Variants in CAST observed in about 807,000 individuals in gnomAD.
The protein encoded by CAST is MIR583 host.
A neutral mutation model predicts 119.6 loss-of-function variants in CAST; 76 were observed. That is an observed-to-expected ratio of 0.64 (90% CI 0.53 to 0.77). The LOEUF is 0.77. CAST is among the 30% of genes least tolerant of loss of function. The pLI, the probability that CAST is intolerant of heterozygous loss-of-function variation, is 0.00. For missense variants in CAST, 953 were observed against 946.5 expected (o/e 1.01, Z -0.09); for synonymous variants, 319 against 331.6 (o/e 0.96, Z 0.41).
the CAST span, chr5:96,050,182 T>C: frequency 4.6e-5 from 7 of 152,310 alleles, no homozygotes; most frequent in African/African-American, 1.2e-4. Context: ...GATTGCAGTC[T>C]GTGGAGGAGT....
At chr5:96,404,755 G>T in the CAST span, among the ~76,000 whole-genome samples, 2 of 152,154 alleles carry the variant, frequency 1.3e-5, no homozygotes, top group Non-Finnish European at 2.9e-5. Flanking sequence ...ACTTGAGTTT[G>T]AATTTCTTTG....
the CAST span, among the ~76,000 whole-genome samples, chr5:96,019,538 C>T: frequency 6.6e-6 from 1 of 152,080 alleles, no homozygotes; most frequent in Non-Finnish European, 1.5e-5. Context: ...TGGAGTTTGA[C>T]TATTGAGTGA....
chr5:96,707,888 G>A (rs1581056133), intron 3 of CAST, among the ~76,000 whole-genome samples: 1 of 152,060 alleles, frequency 6.6e-6, no homozygotes, highest in African/African-American at 2.4e-5. Context: ...TATGAGTGCT[G>A]TTCCCACCAA....
chr5:96,660,474 T>C (rs754776361), upstream of CAST, among the ~76,000 whole-genome samples: 2 of 152,244 alleles, frequency 1.3e-5, no homozygotes, highest in African/African-American at 2.4e-5. Context: ...ATGTTTTACA[T>C]AGAATACTCT....
intron 1 of CAST, among the ~76,000 whole-genome samples, chr5:96,645,605 A>T (rs1433104385): frequency 6.6e-6 from 1 of 152,120 alleles, no homozygotes; most frequent in Non-Finnish European, 1.5e-5. Flanking sequence ...GTTTGGAAAA[A>T]TAAATATTTT....
chr5:96,535,763 C>G (rs975199986), intron 1 of CAST, among the ~76,000 whole-genome samples: 1 of 150,808 alleles, frequency 6.6e-6, no homozygotes, highest in African/African-American at 2.4e-5. Context: ...TTGGTAGAGA[C>G]GGGGTTTCAC....
chr5:96,167,725 G>C, the CAST span, among the ~76,000 whole-genome samples: 1 of 152,192 alleles, frequency 6.6e-6, no homozygotes, highest in Admixed American at 6.5e-5. Context: ...AAGAAATGAC[G>C]GCGGTGGCCT....
At chr5:96,169,097 G>A in the CAST span, among the ~76,000 whole-genome samples, 1 of 152,116 alleles carries the variant, frequency 6.6e-6, no homozygotes, top group Admixed American at 6.5e-5. Flanking sequence ...GGAAGGAAAG[G>A]AGTTGTTGTT....
Position 96,622,381 on chromosome 5 carries a change from A to G in CAST, c.61-53158A>G, listed in dbSNP as rs79677949. On this transcript the variant is annotated intron_variant, in intron 1 of 11. Transcript: ENST00000505143. ...CCACTAGCTGCCAATGATTTTGAAA[A>G]ACATATTCTCCTCTGGGTGAATTTC... 5.9e-5 allele frequency among the ~76,000 whole-genome samples: 9 copies of G among 152,152 alleles called. No individual in the cohort carries two copies. The East Asian group carries it at 1.5e-3, about 26-fold the overall frequency.
chr5:96,698,613 T>C (rs757531736), intron 3 of CAST, among the ~76,000 whole-genome samples: 3 of 152,234 alleles, frequency 2.0e-5, no homozygotes, highest in Non-Finnish European at 2.9e-5. Context: ...TTGTAACTCA[T>C]AGCATTATCC....
At chr5:96,397,329 C>T in the CAST span, 7 of 1,612,348 alleles carry the variant, frequency 4.3e-6, no homozygotes, top group Middle Eastern at 1.6e-4. Context: ...CTCTCATTCA[C>T]ACTTACCATG....
chr5:96,754,995 G>T, intron 22 of CAST: 1 of 262,596 alleles, frequency 3.8e-6, no homozygotes. Context: ...CTAACCCACA[G>T]CTTGTTACAA....
chr5:96,149,927 T>C, the CAST span, among the ~76,000 whole-genome samples: 2 of 152,270 alleles, frequency 1.3e-5, no homozygotes, highest in Non-Finnish European at 2.9e-5. Context: ...GATATTTTAT[T>C]GATAAACATA....
the CAST span, among the ~76,000 whole-genome samples, chr5:96,232,088 T>C: frequency 2.0e-5 from 3 of 152,104 alleles, no homozygotes; most frequent in Non-Finnish European, 2.9e-5. Context: ...AAACTTTTCA[T>C]ACATAATATA....
chr5:96,511,506 T>C, the CAST span, among the ~76,000 whole-genome samples: 3 of 152,198 alleles, frequency 2.0e-5, no homozygotes, highest in Non-Finnish European at 4.4e-5. Context: ...TTGTGTTATA[T>C]TTCACCAGCA....
the CAST span, among the ~76,000 whole-genome samples, chr5:96,288,473 A>C: frequency 6.6e-6 from 1 of 152,178 alleles, no homozygotes; most frequent in East Asian, 1.9e-4. Context: ...CCATTTCAGA[A>C]GATTTCTGAG....
the CAST span, among the ~76,000 whole-genome samples, chr5:96,436,274 C>T: frequency 7.2e-5 from 11 of 152,244 alleles, no homozygotes; most frequent in African/African-American, 2.6e-4. Context: ...GTGTGGCACA[C>T]TGGGGTAAAC....
At chr5:96,444,956 A>G in the CAST span, among the ~76,000 whole-genome samples, 1 of 152,186 alleles carries the variant, frequency 6.6e-6, no homozygotes, top group Non-Finnish European at 1.5e-5. Context: ...TTGCTGCAGG[A>G]TGGCCTGGCC....
chr5:96,263,010 G>A, the CAST span, among the ~76,000 whole-genome samples: 2 of 152,162 alleles, frequency 1.3e-5, no homozygotes, highest in African/African-American at 2.4e-5. Context: ...CCTTCCCCAC[G>A]TCTAGTGAAT....
Sources: gnomAD v4.1 joint callset for allele counts (sites outside exome capture counted in the v4.1 genomes callset) on GRCh38, gnomAD v4.1.1 for gene constraint, MANE v1.5 for transcripts, NCBI Gene and HGNC (gene_info 2026-07-23, HGNC 2026-07-21) for gene names.